Variants in CNOT4 observed in about 807,000 individuals in gnomAD.
The protein encoded by CNOT4 is CCR4-NOT transcription complex subunit 4.
CNOT4 carries 8 observed loss-of-function variants against 73.8 expected under a neutral mutation model. That is an observed-to-expected ratio of 0.11 (90% CI 0.06 to 0.20). CNOT4 has a LOEUF of 0.20. CNOT4 is among the 10% of genes least tolerant of loss of function. CNOT4 has a pLI of 1.00. For synonymous variants in CNOT4, 293 were observed against 321.1 expected (o/e 0.91, Z 0.94); for missense variants, 564 against 883.4 (o/e 0.64, Z 4.58).
At chr7:135,404,296 T>C (rs1240825955) in intron 7 of CNOT4, among the ~76,000 whole-genome samples, 1 of 152,216 alleles carries the variant, frequency 6.6e-6, no homozygotes, top group African/African-American at 2.4e-5. Flanking sequence ...CTTAACTTAC[T>C]AGTCCATTTC....
At chr7:135,447,456 G>A (rs750316905) in intron 1 of CNOT4, among the ~76,000 whole-genome samples, 1 of 152,124 alleles carries the variant, frequency 6.6e-6, no homozygotes, top group Non-Finnish European at 1.5e-5. Context: ...ACTTCTAAAA[G>A]CCTCTCTCAT....
intron 1 of CNOT4, among the ~76,000 whole-genome samples, chr7:135,445,123 T>C (rs1331103724): frequency 6.6e-6 from 1 of 152,200 alleles, no homozygotes; most frequent in Non-Finnish European, 1.5e-5. Context: ...ATCTAAGAAA[T>C]TGTGAGACTG....
At chr7:135,422,102 GT>G in intron 3 of CNOT4, 53 bp downstream of exon 3, 1 of 1,044,088 alleles carries the variant, frequency 9.6e-7, no homozygotes, top group Non-Finnish European at 1.5e-6. Context: ...TTATTTCCAA[GT>G]AAGACAAGGA....
At chr7:135,389,810 G>A (rs902179280) in intron 10 of CNOT4, among the ~76,000 whole-genome samples, 1 of 152,094 alleles carries the variant, frequency 6.6e-6, no homozygotes, top group Non-Finnish European at 1.5e-5. Context: ...CAACTTGGCA[G>A]AATATTTTTT....
At chr7:135,399,798 T>C (rs766530960) in intron 7 of CNOT4, among the ~76,000 whole-genome samples, 17 of 152,108 alleles carry the variant, frequency 1.1e-4, no homozygotes, top group Non-Finnish European at 1.9e-4. Flanking sequence ...TTTTTACTTA[T>C]TATTCATAAA....
At position 135,444,108 on chromosome 7, in the gene CNOT4, T is replaced by A. The variant is rs550655692; in HGVS notation, c.-92-5685A>T. On this transcript the variant is annotated intron_variant, in intron 1 of 11. Transcript: ENST00000541284. ...GAGCCGTGATGTGGCACTGCTGCACTCCAGCCTGGGGGAGACAGTGAAACC... is the reference window on the plus strand; with the variant it reads ...GAGCCGTGATGTGGCACTGCTGCACACCAGCCTGGGGGAGACAGTGAAACC... Among the ~76,000 whole-genome samples, 186 of 151,846 alleles carry A rather than the reference T, an allele frequency of 1.2e-3. 3 individuals are homozygous for A. The highest frequency in any genetic ancestry group is 4.1e-3 in the African/African-American group (169 of 41,392).
At chr7:135,420,185 A>G (rs968694127) in intron 3 of CNOT4, among the ~76,000 whole-genome samples, 2 of 152,168 alleles carry the variant, frequency 1.3e-5, no homozygotes, top group Admixed American at 1.3e-4. Flanking sequence ...GATCAGATCC[A>G]AGATGTATTA....
At chr7:135,484,544 C>T (rs1483951390) in intron 1 of CNOT4, among the ~76,000 whole-genome samples, 2 of 151,814 alleles carry the variant, frequency 1.3e-5, no homozygotes, top group African/African-American at 2.4e-5. Context: ...TCACTTGAGA[C>T]CAGGAGTTTG....
chr7:135,429,921 T>C (rs1798715740), intron 2 of CNOT4, among the ~76,000 whole-genome samples: 1 of 152,148 alleles, frequency 6.6e-6, no homozygotes, highest in Non-Finnish European at 1.5e-5. Flanking sequence ...GTGATAAAAA[T>C]TAGAAGAGGC....
intron 10 of CNOT4, among the ~76,000 whole-genome samples, chr7:135,367,597 G>C (rs115574279): frequency 6.6e-6 from 1 of 152,002 alleles, no homozygotes; most frequent in Admixed American, 6.5e-5. Context: ...GGTCAATACC[G>C]AACGGATAGT....
In CNOT4 at chr7:135,507,477, A is replaced by C. The variant is rs1804451914; in HGVS notation, c.-93+2412T>G. On this transcript the variant is annotated intron_variant, in intron 1 of 11. Coordinates refer to ENST00000541284, the MANE Select transcript of CNOT4 (RefSeq NM_001190850.2). ...TTAAAGAACTTTAGATATCTTCTTT[A>C]AACGTACTAAAGATACAAAAGTAAA... 2.0e-5 allele frequency among the ~76,000 whole-genome samples: 3 copies of C among 152,238 alleles called. No individual in the cohort carries two copies. The South Asian group carries it at 6.2e-4, about 31-fold the overall frequency.
chr7:135,403,682 T>C (rs1797122008), intron 7 of CNOT4, among the ~76,000 whole-genome samples: 1 of 152,192 alleles, frequency 6.6e-6, no homozygotes, highest in Admixed American at 6.5e-5. Context: ...TAAATATGAT[T>C]TTAATTAGAA....
At chr7:135,422,395 T>C (rs753159978) in intron 2 of CNOT4, 42 bp from the exon 3 acceptor site, 3 of 877,580 alleles carry the variant, frequency 3.4e-6, no homozygotes, top group Non-Finnish European at 5.7e-6. Flanking sequence ...ATTAAATTAA[T>C]TAAAAAAACT....
At chr7:135,489,939 T>C (rs188567357) in intron 1 of CNOT4, among the ~76,000 whole-genome samples, 22 of 152,330 alleles carry the variant, frequency 1.4e-4, no homozygotes, top group Admixed American at 1.0e-3. Flanking sequence ...GAAAACTGAT[T>C]AAAGAACATT....
chr7:135,364,163 T>G lies in CNOT4; in HGVS notation c.1628-97A>C, dbSNP rs906697193. On this transcript the variant is annotated intron_variant, in intron 10 of 11. Coordinates refer to ENST00000541284, the MANE Select transcript of CNOT4 (RefSeq NM_001190850.2). The surrounding 1 kb of genome is among the most constrained non-coding windows in gnomAD (Gnocchi z 4.3). ...CTTTAGTGGTTAAGCGGGAGAAGAA[T>G]TATTCTTTCTTTATTGAGCATTTAA... 1.1e-6 allele frequency: 1 copy of G among 915,566 alleles called. No homozygotes were observed. The highest frequency in any genetic ancestry group is 1.7e-6 in the Non-Finnish European group (1 of 603,066). The allele number at this position is 915,566 out of a possible 1,614,324, so 56.7% of individuals were successfully genotyped here.
intron 1 of CNOT4, among the ~76,000 whole-genome samples, chr7:135,501,185 A>G (rs894522290): frequency 6.6e-6 from 1 of 151,900 alleles, no homozygotes; most frequent in Non-Finnish European, 1.5e-5. Flanking sequence ...GGGTTTCACT[A>G]TGTTGGCCAG....
At chr7:135,452,499 G>A (rs950629583) in intron 1 of CNOT4, among the ~76,000 whole-genome samples, 1 of 152,184 alleles carries the variant, frequency 6.6e-6, no homozygotes, top group African/African-American at 2.4e-5. Flanking sequence ...GAACCTGGGA[G>A]GCGGAGGTTG....
chr7:135,453,828 A>ATATATATATATAT (rs1800341490), intron 1 of CNOT4, among the ~76,000 whole-genome samples: 1 of 86,160 alleles, frequency 1.2e-5, no homozygotes. Context: ...TATATATTTT[A>ATATATATATATAT]TATATATATA....
chr7:135,454,303 C>G (rs1285322251), intron 1 of CNOT4, among the ~76,000 whole-genome samples: 1 of 151,578 alleles, frequency 6.6e-6, no homozygotes, highest in Non-Finnish European at 1.5e-5. Flanking sequence ...AAATGTTAAC[C>G]AAATTAGTAT....
Sources: gnomAD v4.1 joint callset for allele counts (sites outside exome capture counted in the v4.1 genomes callset) on GRCh38, gnomAD v4.1.1 for gene constraint, Gnocchi (gnomAD v3.1) non-coding constraint, MANE v1.5 for transcripts, NCBI Gene and HGNC (gene_info 2026-07-23, HGNC 2026-07-21) for gene names.